Variants in NAALADL2 observed in about 807,000 individuals in gnomAD.
NAALADL2 encodes the protein inactive N-acetylated-alpha-linked acidic dipeptidase-like protein 2.
NAALADL2 carries 76 observed loss-of-function variants against 87.2 expected under a neutral mutation model. That is an observed-to-expected ratio of 0.87 (90% CI 0.72 to 1.05). The LOEUF is 1.05. NAALADL2 is among the 50% of genes least tolerant of loss of function. The probability of loss-of-function intolerance (pLI) is 0.00; values close to 1 mark genes in which losing one functional copy is unlikely to be tolerated. For missense variants in NAALADL2, 1,089 were observed against 945.8 expected, an observed-to-expected ratio of 1.15 and a Z score of -1.99; for synonymous variants, 354 against 331.0, an observed-to-expected ratio of 1.07 and a Z score of -0.75.
intron 3 of NAALADL2, among the ~76,000 whole-genome samples, chr3:174,817,435 C>T (rs1482108405): frequency 6.6e-6 from 1 of 151,990 alleles, no homozygotes; most frequent in Admixed American, 6.6e-5. Flanking sequence ...CACCATGTCT[C>T]TACAAAAAAT....
rs191244244 is a variant in NAALADL2, at chr3:175,403,445, G to T, written c.1091-43784G>T. Among the ~76,000 whole-genome samples, 23 of 152,138 alleles carry T rather than the reference G, an allele frequency of 1.5e-4. No homozygotes were observed. The East Asian group carries it at 4.3e-3, about 28-fold the overall frequency. ...CATTTAGTCCTTTGAATGGGTACCA[G>T]GTGGATATGCCAACATAAAGCCAAA... On this transcript the variant is annotated intron_variant, in intron 5 of 13. Transcript: ENST00000454872.
At chr3:174,887,514 G>C (rs1187203204) in intron 1 of NAALADL2, among the ~76,000 whole-genome samples, 5 of 152,108 alleles carry the variant, frequency 3.3e-5, no homozygotes, top group Admixed American at 3.3e-4. Flanking sequence ...TTTTCTGACA[G>C]CCAGTCATGG....
intron 1 of NAALADL2, among the ~76,000 whole-genome samples, chr3:174,467,435 A>G (rs900907085): frequency 2.0e-5 from 3 of 151,912 alleles, no homozygotes; most frequent in African/African-American, 7.3e-5. Flanking sequence ...GCTACTAAAA[A>G]TACAAAAATT....
intron 10 of NAALADL2, among the ~76,000 whole-genome samples, chr3:175,618,437 T>G (rs2149691372): frequency 6.6e-6 from 1 of 152,298 alleles, no homozygotes; most frequent in African/African-American, 2.4e-5. Flanking sequence ...TCTCTGCAGT[T>G]TGCTTCCCTA....
At chr3:174,537,562 T>G (rs1721842541) in intron 1 of NAALADL2, among the ~76,000 whole-genome samples, 3 of 152,122 alleles carry the variant, frequency 2.0e-5, no homozygotes, top group Admixed American at 2.0e-4. Flanking sequence ...TAAAGTCTAG[T>G]GAGAGTCAGG....
At chr3:174,703,293 C>G (rs1256000506) in intron 2 of NAALADL2, among the ~76,000 whole-genome samples, 3 of 149,612 alleles carry the variant, frequency 2.0e-5, no homozygotes, top group Non-Finnish European at 4.4e-5. Context: ...GCACATGCTA[C>G]CATGCCTGGC....
intron 1 of NAALADL2, among the ~76,000 whole-genome samples, chr3:174,870,093 G>A (rs1447405732): frequency 6.6e-6 from 1 of 150,926 alleles, no homozygotes; most frequent in Non-Finnish European, 1.5e-5. Context: ...GTGTGTATGA[G>A]TGTGTGTGTA....
At chr3:175,203,533 A>G (rs1242590981) in intron 2 of NAALADL2, among the ~76,000 whole-genome samples, 1 of 152,090 alleles carries the variant, frequency 6.6e-6, no homozygotes, top group Non-Finnish European at 1.5e-5. Context: ...CTTCCTTCAG[A>G]GTTCTATGAG....
chr3:174,822,566 G>A (rs1268628965), intron 3 of NAALADL2, among the ~76,000 whole-genome samples: 2 of 152,252 alleles, frequency 1.3e-5, no homozygotes, highest in East Asian at 1.9e-4. Context: ...TGGGAACAAG[G>A]GAGAAGGCTA....
At chr3:175,497,843 G>C (rs1729019269) in intron 9 of NAALADL2, among the ~76,000 whole-genome samples, 1 of 152,084 alleles carries the variant, frequency 6.6e-6, no homozygotes, top group African/African-American at 2.4e-5. Flanking sequence ...GTTTCAGTTT[G>C]TTCCTCTATA....
chr3:175,151,174 A>G (rs1365359800), intron 2 of NAALADL2, among the ~76,000 whole-genome samples: 1 of 152,186 alleles, frequency 6.6e-6, no homozygotes, highest in East Asian at 1.9e-4. Context: ...AGACTGTGAG[A>G]TCTGTGTCTG....
chr3:174,802,402 A>G (rs1016735256), intron 3 of NAALADL2, among the ~76,000 whole-genome samples: 2 of 152,322 alleles, frequency 1.3e-5, no homozygotes, highest in Non-Finnish European at 2.9e-5. Context: ...AAAATTGCAT[A>G]TCATTCAAAA....
chr3:175,444,517 A>G (rs1205804258), intron 5 of NAALADL2, among the ~76,000 whole-genome samples: 2 of 152,172 alleles, frequency 1.3e-5, no homozygotes, highest in African/African-American at 2.4e-5. Flanking sequence ...ATTCTTCTAC[A>G]TAAATTATGC....
chr3:175,167,428 T>C (rs1255168593), intron 2 of NAALADL2, among the ~76,000 whole-genome samples: 1 of 152,078 alleles, frequency 6.6e-6, no homozygotes, highest in Non-Finnish European at 1.5e-5. Context: ...GACTTGGCTC[T>C]TTCTTTCCTT....
At chr3:174,959,660 T>C (rs946618300) in intron 1 of NAALADL2, among the ~76,000 whole-genome samples, 3 of 152,020 alleles carry the variant, frequency 2.0e-5, no homozygotes, top group South Asian at 2.1e-4. Context: ...GCATGGGAAA[T>C]AGTAATTTCT....
intron 2 of NAALADL2, among the ~76,000 whole-genome samples, chr3:175,164,915 T>C (rs1051280857): frequency 6.6e-6 from 1 of 152,082 alleles, no homozygotes; most frequent in Non-Finnish European, 1.5e-5. Flanking sequence ...AGCAAAGGAA[T>C]TGTGGAGAAA....
At chr3:175,245,687 T>C (rs1196857733) in intron 3 of NAALADL2, among the ~76,000 whole-genome samples, 1 of 152,182 alleles carries the variant, frequency 6.6e-6, no homozygotes, top group Non-Finnish European at 1.5e-5. Context: ...GAAGAAGTGA[T>C]AAAATTGAGA....
At chr3:175,163,576 G>T (rs563535305) in intron 2 of NAALADL2, among the ~76,000 whole-genome samples, 3 of 151,992 alleles carry the variant, frequency 2.0e-5, no homozygotes, top group Non-Finnish European at 2.9e-5. Context: ...GTTGAGAGTA[G>T]GGGAGATGCT....
At chr3:174,911,999 G>A (rs1733769630) in intron 1 of NAALADL2, among the ~76,000 whole-genome samples, 1 of 152,092 alleles carries the variant, frequency 6.6e-6, no homozygotes, top group Non-Finnish European at 1.5e-5. Context: ...TTGACAGGAT[G>A]TTTATTTTCC....
Sources: gnomAD v4.1 joint callset for allele counts (sites outside exome capture counted in the v4.1 genomes callset) on GRCh38, gnomAD v4.1.1 for gene constraint, MANE v1.5 for transcripts, NCBI Gene and HGNC (gene_info 2026-07-23, HGNC 2026-07-21) for gene names.